The following MERTK variants were observed in gnomAD, a reference collection of about 807,000 sequenced individuals.
MERTK encodes tyrosine-protein kinase Mer.
Under a neutral mutation model 99.3 loss-of-function variants are expected in MERTK, and 69 were observed. That is an observed-to-expected ratio of 0.70 (90% CI 0.57 to 0.85). The LOEUF (loss-of-function observed/expected upper bound fraction) is 0.85, where lower values mean the gene tolerates loss of function less well. Among genes scored for constraint, MERTK ranks in the 40% least tolerant of loss-of-function variants. The pLI, the probability that MERTK is intolerant of heterozygous loss-of-function variation, is 0.00. For synonymous variants in MERTK, 426 were observed against 467.6 expected, an observed-to-expected ratio of 0.91 and a Z score of 1.15; for missense variants, 1,125 against 1,249.4, an observed-to-expected ratio of 0.90 and a Z score of 1.50.
At chr2:111,977,455 A>G (rs938095280) in intron 7 of MERTK, among the ~76,000 whole-genome samples, 8 of 152,188 alleles carry the variant, frequency 5.3e-5, no homozygotes, top group African/African-American at 1.9e-4. Context: ...GTTCCTCTGT[A>G]TGTAATGTGT....
intron 1 of MERTK, among the ~76,000 whole-genome samples, chr2:111,925,348 C>G (rs1229117127): frequency 1.7e-5 from 2 of 117,276 alleles, no homozygotes; most frequent in Non-Finnish European, 3.3e-5. Flanking sequence ...GTTGCCCAGG[C>G]TGGAGTGCAA....
At chr2:111,923,607 T>C (rs1684504620) in intron 1 of MERTK, among the ~76,000 whole-genome samples, 1 of 152,186 alleles carries the variant, frequency 6.6e-6, no homozygotes, top group Non-Finnish European at 1.5e-5. Flanking sequence ...GAGGAAGCAA[T>C]CCTGGAAGAA....
At chr2:112,005,602 G>A (rs1676964527) in intron 13 of MERTK, among the ~76,000 whole-genome samples, 2 of 152,138 alleles carry the variant, frequency 1.3e-5, no homozygotes, top group South Asian at 4.1e-4. Flanking sequence ...GCTGGGCATG[G>A]CCTATCACTG....
chr2:111,991,603 CAAAA>C (rs545545309), intron 8 of MERTK, among the ~76,000 whole-genome samples: 1 of 151,600 alleles, frequency 6.6e-6, no homozygotes, highest in Non-Finnish European at 1.5e-5. Flanking sequence ...ACTTAATTAA[CAAAA>C]AAAAGTCTAT....
At position 111,911,637 on chromosome 2, in the gene MERTK, C is replaced by T. The variant is rs1007756279; in HGVS notation, c.61+12841C>T. Among the ~76,000 whole-genome samples the T allele has an allele frequency of 9.9e-5, 15 of 150,858 alleles. No homozygotes were observed. The East Asian group carries it at 1.8e-3, about 18-fold the overall frequency. ...CTCCTGACCTCCAGTGTGATCTGCC[C>T]GTCTCAGCCTCCCAAGTGCTGGGAT... On this transcript the variant is annotated intron_variant, in intron 1 of 18. Coordinates refer to ENST00000295408, the MANE Select transcript of MERTK (RefSeq NM_006343.3).
chr2:111,931,567 T>G (rs1454540343), intron 2 of MERTK, among the ~76,000 whole-genome samples: 1 of 151,966 alleles, frequency 6.6e-6, no homozygotes, highest in Non-Finnish European at 1.5e-5. Context: ...ACGCCTATAG[T>G]CCCAGATACT....
intron 4 of MERTK, among the ~76,000 whole-genome samples, chr2:111,950,173 T>C (rs1279272141): frequency 6.6e-6 from 1 of 152,210 alleles, no homozygotes; most frequent in East Asian, 1.9e-4. Context: ...TGACCTTAAA[T>C]GATCCGACCG....
chr2:111,916,946 G>C (rs1215094807), intron 1 of MERTK, among the ~76,000 whole-genome samples: 2 of 152,110 alleles, frequency 1.3e-5, no homozygotes, highest in African/African-American at 4.8e-5. Context: ...ATTACTGCTG[G>C]TCAGAGGTCA....
intron 7 of MERTK, among the ~76,000 whole-genome samples, chr2:111,981,746 C>A (rs984535422): frequency 2.8e-4 from 31 of 109,154 alleles, no homozygotes; most frequent in African/African-American, 1.5e-3. Flanking sequence ...TGTACACACA[C>A]ACACACACAC....
intron 1 of MERTK, among the ~76,000 whole-genome samples, chr2:111,915,791 G>A (rs531827518): frequency 3.9e-5 from 6 of 152,216 alleles, no homozygotes; most frequent in African/African-American, 1.4e-4. Flanking sequence ...GCTATTTGGG[G>A]AGCTGAGGCA....
intron 1 of MERTK, among the ~76,000 whole-genome samples, chr2:111,926,433 G>A (rs1205027804): frequency 6.6e-6 from 1 of 152,024 alleles, no homozygotes; most frequent in Non-Finnish European, 1.5e-5. Context: ...AGGCTTCAAA[G>A]TACATGAATA....
intron 1 of MERTK, among the ~76,000 whole-genome samples, chr2:111,902,051 A>G (rs1684054351): frequency 6.6e-6 from 1 of 151,856 alleles, no homozygotes; most frequent in African/African-American, 2.4e-5. Flanking sequence ...ACGCCTGGCT[A>G]ATTTTGTATT....
At chr2:112,009,824 T>A in intron 14 of MERTK, 124 bp from the exon 15 acceptor site, 1 of 784,904 alleles carries the variant, frequency 1.3e-6, no homozygotes, top group South Asian at 1.4e-5. Context: ...AGTTAGGCGC[T>A]CTTGATTTTT....
chr2:111,958,685 A>T (rs1192252563), intron 4 of MERTK, among the ~76,000 whole-genome samples: 1 of 152,152 alleles, frequency 6.6e-6, no homozygotes, highest in Non-Finnish European at 1.5e-5. Context: ...GCACTATGAA[A>T]AGAAACACAC....
intron 1 of MERTK, among the ~76,000 whole-genome samples, chr2:111,927,123 A>C (rs1684582742): frequency 6.6e-6 from 1 of 152,212 alleles, no homozygotes; most frequent in African/African-American, 2.4e-5. Flanking sequence ...GGATAAGGAA[A>C]AGTCTTCCTG....
intron 1 of MERTK, chr2:111,913,038 G>A: frequency 1.0e-6 from 1 of 985,386 alleles, no homozygotes; most frequent in Non-Finnish European, 1.2e-6. Flanking sequence ...CTAGGTAAAA[G>A]GCCTGGCGAA....
intron 6 of MERTK, among the ~76,000 whole-genome samples, chr2:111,974,508 G>A (rs1363608641): frequency 1.3e-5 from 2 of 151,978 alleles, no homozygotes; most frequent in South Asian, 2.1e-4. Context: ...GGTGGCTCAC[G>A]CCTGTAATCC....
At chr2:111,936,883 T>C (rs1278650669) in intron 2 of MERTK, among the ~76,000 whole-genome samples, 1 of 152,118 alleles carries the variant, frequency 6.6e-6, no homozygotes, top group Admixed American at 6.5e-5. Context: ...TGATGTCTAG[T>C]ATAGCAAGTA....
rs556503129 is a variant in MERTK, at chr2:111,939,645, T to G, written c.483-5315T>G. Among the ~76,000 whole-genome samples the G allele has an allele frequency of 8.7e-3, 1,259 of 144,866 alleles. 11 individuals are homozygous for G. Among genetic ancestry groups the G allele is most frequent in the South Asian group, 0.039 (177 of 4,498 alleles). On this transcript the variant is annotated intron_variant, in intron 2 of 18. Coordinates refer to ENST00000295408, the MANE Select transcript of MERTK (RefSeq NM_006343.3). ...ACAGGCATGTGCCACCATGCCCAGC[T>G]AATTTTTAATTTTTTTTTTTTTTTT... is the stretch of plus-strand genomic sequence containing the variant.
Sources: gnomAD v4.1 joint callset for allele counts (sites outside exome capture counted in the v4.1 genomes callset) on GRCh38, gnomAD v4.1.1 for gene constraint, MANE v1.5 for transcripts, NCBI Gene and HGNC (gene_info 2026-07-23, HGNC 2026-07-21) for gene names.